The following VPS45 variants were observed in gnomAD, a reference collection of about 807,000 sequenced individuals.
The protein encoded by VPS45 is vacuolar protein sorting 45 homolog.
A neutral mutation model predicts 75.9 loss-of-function variants in VPS45; 35 were observed. That is an observed-to-expected ratio of 0.46 (90% confidence interval 0.35 to 0.61). The LOEUF is 0.61. VPS45 is among the 20% of genes least tolerant of loss of function. The pLI is 0.00. For synonymous variants in VPS45, 220 were observed against 238.2 expected, an observed-to-expected ratio of 0.92 and a Z score of 0.70; for missense variants, 559 against 685.9, an observed-to-expected ratio of 0.81 and a Z score of 2.07.
chr1:150,092,199 A>G (rs1265286384), intron 11 of VPS45, 103 bp from the exon 12 acceptor site: 12 of 1,528,214 alleles, frequency 7.9e-6, no homozygotes, highest in African/African-American at 1.4e-5. Flanking sequence ...ACAGAAATGT[A>G]TAATTCTGTC....
intron 14 of VPS45, among the ~76,000 whole-genome samples, chr1:150,137,685 T>C (rs1459248083): frequency 1.3e-5 from 2 of 152,142 alleles, no homozygotes; most frequent in Non-Finnish European, 2.9e-5. Context: ...GAGGCTGAGG[T>C]GGGCAGATTG....
chr1:150,127,952 T>C (rs1229409792), intron 14 of VPS45, among the ~76,000 whole-genome samples: 2 of 152,308 alleles, frequency 1.3e-5, no homozygotes, highest in East Asian at 3.9e-4. Context: ...AAGAATTTTA[T>C]CATTCAATGA....
intron 10 of VPS45, among the ~76,000 whole-genome samples, chr1:150,083,470 C>T (rs1235373571): frequency 1.3e-5 from 2 of 151,772 alleles, no homozygotes; most frequent in African/African-American, 4.8e-5. Context: ...ATTGTAATAC[C>T]AAGCACTATG....
intron 14 of VPS45, among the ~76,000 whole-genome samples, chr1:150,122,527 A>G (rs74127457): frequency 0.021 from 3,254 of 151,996 alleles, 97 homozygotes; most frequent in African/African-American, 0.074. Flanking sequence ...AGCACCTTAT[A>G]TACTGTGAGG....
chr1:150,082,044 C>A, intron 9 of VPS45, 47 bp downstream of exon 9: 1 of 1,244,230 alleles, frequency 8.0e-7, no homozygotes, highest in Non-Finnish European at 1.2e-6. Flanking sequence ...CAGTTTGGTA[C>A]TATTCATGTA....
chr1:150,142,463 C>G (rs1031120726), intron 14 of VPS45, among the ~76,000 whole-genome samples: 1 of 152,220 alleles, frequency 6.6e-6, no homozygotes, highest in Non-Finnish European at 1.5e-5. Flanking sequence ...AACTTAGCTT[C>G]TACTCCTTTC....
At position 150,076,997 on chromosome 1, in the gene VPS45, A is replaced by G. The variant is rs1553798244; in HGVS notation, c.438+13A>G. The G allele has an allele frequency of 1.2e-6, 2 of 1,614,016 alleles. No homozygotes were observed. The highest frequency in any genetic ancestry group is 1.7e-5 in the Admixed American group (1 of 60,004). Reference sequence around the variant, plus strand: ...GGGTTGCTGCCAGGTATGGAAGGAAAGGTTTAATTTATCAGTCGAGAGTTA... The same window carrying G: ...GGGTTGCTGCCAGGTATGGAAGGAAGGGTTTAATTTATCAGTCGAGAGTTA... On this transcript the variant is annotated intron_variant, in intron 5 of 14. Coordinates refer to ENST00000644510, the MANE Select transcript of VPS45 (RefSeq NM_007259.5).
chr1:150,137,730 C>T (rs377111789), intron 14 of VPS45, among the ~76,000 whole-genome samples: 18 of 152,222 alleles, frequency 1.2e-4, no homozygotes, highest in African/African-American at 4.3e-4. Context: ...GCCTGGGCAA[C>T]ACAGTGAAAC....
At chr1:150,077,304 G>A in intron 6 of VPS45, 73 bp downstream of exon 6, 4 of 1,528,148 alleles carry the variant, frequency 2.6e-6, no homozygotes, top group Non-Finnish European at 3.5e-6. Context: ...AGAAACTAAA[G>A]GAATAGTTTA....
chr1:150,084,334 A>G (rs754555480), intron 10 of VPS45, among the ~76,000 whole-genome samples: 4 of 152,184 alleles, frequency 2.6e-5, no homozygotes, highest in Non-Finnish European at 5.9e-5. Context: ...TAGGAAATGT[A>G]ACCTAGTAAG....
At chr1:150,124,381 TCTGGGAGGCAGAGGTTA>T (rs1390818066) in intron 14 of VPS45, among the ~76,000 whole-genome samples, 1 of 151,670 alleles carries the variant, frequency 6.6e-6, no homozygotes, top group Non-Finnish European at 1.5e-5. Context: ...ATTGCTTGAA[TCTGGGAGGCAGAGGTTA>T]CAGTAAGCCG....
intron 14 of VPS45, among the ~76,000 whole-genome samples, chr1:150,114,392 G>A (rs1405544555): frequency 6.6e-6 from 1 of 151,304 alleles, no homozygotes; most frequent in African/African-American, 2.4e-5. Flanking sequence ...TGCTTGAACC[G>A]GGGAGGTGGA....
chr1:150,126,346 G>A (rs936350157), intron 14 of VPS45, among the ~76,000 whole-genome samples: 1 of 151,996 alleles, frequency 6.6e-6, no homozygotes, highest in Non-Finnish European at 1.5e-5. Context: ...AAGTAGCTGG[G>A]ACTACAGGCA....
At chr1:150,068,521 A>G in intron 1 of VPS45, 109 bp from the exon 2 acceptor site, 3 of 1,048,648 alleles carry the variant, frequency 2.9e-6, no homozygotes, top group Non-Finnish European at 3.9e-6. Context: ...TCCGTATATT[A>G]CTATTTAAGT....
chr1:150,099,456 G>A (rs1279817190), intron 13 of VPS45, among the ~76,000 whole-genome samples: 5 of 151,194 alleles, frequency 3.3e-5, no homozygotes, highest in Non-Finnish European at 5.9e-5. Context: ...AAGTTGTAGT[G>A]AGCCAAGATT....
At chr1:150,123,020 C>A (rs1420014131) in intron 14 of VPS45, among the ~76,000 whole-genome samples, 1 of 148,276 alleles carries the variant, frequency 6.7e-6, no homozygotes, top group Non-Finnish European at 1.5e-5. Context: ...TTCATTGTAT[C>A]CAAAAATCCC....
At chr1:150,068,074 A>T (rs1654825294) in intron 1 of VPS45, 124 bp downstream of exon 1, 2 of 1,036,482 alleles carry the variant, frequency 1.9e-6, no homozygotes, top group Non-Finnish European at 2.8e-6. Context: ...TTTGTGTGGA[A>T]TTGAAAAGTT....
At chr1:150,134,056 T>C (rs1229836850) in intron 14 of VPS45, among the ~76,000 whole-genome samples, 1 of 152,206 alleles carries the variant, frequency 6.6e-6, no homozygotes, top group East Asian at 1.9e-4. Context: ...AAGGAATAGC[T>C]ACATTTTTGA....
chr1:150,118,040 T>C (rs2101623570), intron 14 of VPS45, among the ~76,000 whole-genome samples: 1 of 152,092 alleles, frequency 6.6e-6, no homozygotes, highest in Non-Finnish European at 1.5e-5. Flanking sequence ...TTGAGCACTG[T>C]GGAAGGCCAA....
Sources: gnomAD v4.1 joint callset for allele counts (sites outside exome capture counted in the v4.1 genomes callset) on GRCh38, gnomAD v4.1.1 for gene constraint, MANE v1.5 for transcripts, NCBI Gene and HGNC (gene_info 2026-07-23, HGNC 2026-07-21) for gene names.